The following ANKFY1 variants were observed in gnomAD, a reference collection of about 807,000 sequenced individuals.
The protein encoded by ANKFY1 is ankyrin repeat and FYVE domain containing 1.
In ANKFY1, 47 loss-of-function variants were observed where a neutral mutation model predicts 128.3. That is an observed-to-expected ratio of 0.37 (90% CI 0.29 to 0.47). ANKFY1 has a LOEUF of 0.47. ANKFY1 is among the 20% of genes least tolerant of loss of function. The pLI, the probability that ANKFY1 is intolerant of heterozygous loss-of-function variation, is 1.00. For synonymous variants in ANKFY1, 553 were observed against 601.6 expected (o/e 0.92, Z 1.18); for missense variants, 1,222 against 1,510.6 (o/e 0.81, Z 3.17).
intron 11 of ANKFY1, chr17:4,187,392 C>A: frequency 2.5e-6 from 1 of 397,658 alleles, no homozygotes; most frequent in Non-Finnish European, 4.4e-6. Flanking sequence ...ACGGCACACC[C>A]ACCATGCCAG....
At chr17:4,248,572 G>A (rs8079595) in intron 1 of ANKFY1, among the ~76,000 whole-genome samples, 8,053 of 152,278 alleles carry the variant, frequency 0.053, 474 homozygotes, top group African/African-American at 0.14. Flanking sequence ...TACCGCTGCT[G>A]CTACTCCTCT....
At chr17:4,231,859 G>A (rs1029447004) in intron 3 of ANKFY1, among the ~76,000 whole-genome samples, 5 of 151,570 alleles carry the variant, frequency 3.3e-5, no homozygotes, top group African/African-American at 4.9e-5. Flanking sequence ...ATCACCTGAG[G>A]CCAGGAGGTC....
chr17:4,172,733 A>C (rs1441628602), intron 21 of ANKFY1, 53 bp from the exon 22 acceptor site: 2 of 1,600,234 alleles, frequency 1.2e-6, no homozygotes, highest in African/African-American at 2.7e-5. Flanking sequence ...GCCATCACAC[A>C]CAAAATAAAT....
intron 1 of ANKFY1, among the ~76,000 whole-genome samples, chr17:4,256,752 T>A (rs189556327): frequency 6.6e-6 from 1 of 152,312 alleles, no homozygotes; most frequent in East Asian, 1.9e-4. Flanking sequence ...TAAGGTTGTG[T>A]CTTGCTCATT....
intron 10 of ANKFY1, 42 bp downstream of exon 10, chr17:4,194,936 T>C (rs773053368): frequency 1.2e-6 from 2 of 1,608,032 alleles, no homozygotes; most frequent in Non-Finnish European, 1.7e-6. Context: ...TCCTGGCGCC[T>C]GCAGACCCCA....
chr17:4,244,748 T>G (rs1401706005), intron 1 of ANKFY1, among the ~76,000 whole-genome samples: 1 of 152,138 alleles, frequency 6.6e-6, no homozygotes, highest in African/African-American at 2.4e-5. Context: ...TAATCCCCCA[T>G]GTGCTCCCTA....
At position 4,164,619 on chromosome 17, in the gene ANKFY1, A is replaced by G. The variant is rs919944577; in HGVS notation, c.*3160T>C. The G allele has an allele frequency of 6.6e-6, 1 of 152,268 alleles. No homozygotes were observed. The highest frequency in any genetic ancestry group is 6.5e-5 in the Admixed American group (1 of 15,290). 9.4% of individuals were successfully genotyped at this position (152,268 alleles called of 1,614,324 possible). A position where few individuals can be genotyped will look rare whatever the true frequency, so the allele number is the denominator to read the frequency against. On this transcript the variant is annotated 3_prime_UTR_variant, in exon 25 of 25. Coordinates refer to ENST00000341657, the MANE Select transcript of ANKFY1 (RefSeq NM_001330063.2). ...TGCCTTTCAGGGTGAAGCATTACAT[A>G]GTTCAAAAGTGTTCTTTTTCTCCAG...
At chr17:4,180,004 C>T in intron 16 of ANKFY1, 127 bp from the exon 17 acceptor site, 1 of 1,219,166 alleles carries the variant, frequency 8.2e-7, no homozygotes, top group Non-Finnish European at 1.1e-6. Flanking sequence ...GTCTGCTGTC[C>T]TTGGTCCCTG....
intron 3 of ANKFY1, among the ~76,000 whole-genome samples, chr17:4,232,871 G>A (rs2060536942): frequency 6.6e-6 from 1 of 152,118 alleles, no homozygotes; most frequent in South Asian, 2.1e-4. Context: ...TTGTTTCAGA[G>A]AGCAGCGATG....
At chr17:4,184,785 T>G (rs1436379985) in intron 12 of ANKFY1, 33 bp downstream of exon 12, 2 of 1,598,402 alleles carry the variant, frequency 1.3e-6, no homozygotes, top group Non-Finnish European at 1.7e-6. Flanking sequence ...TGTCCCCAAG[T>G]CAAAAGGATG....
rs1355979451 is a variant in ANKFY1 at position 4,164,947 on chromosome 17, C to G, written c.*2832G>C. ...AGGTGAACTGAGCAATCGAATCCAG[C>G]CTCAACTAAATTGGTAATTGGGGTT... On this transcript the variant is annotated 3_prime_UTR_variant, in exon 25 of 25. Coordinates refer to ENST00000341657, the MANE Select transcript of ANKFY1 (RefSeq NM_001330063.2). 1.3e-5 allele frequency: 2 copies of G among 152,660 alleles called. No individual in the cohort carries two copies. The highest frequency in any genetic ancestry group is 2.9e-5 in the Non-Finnish European group (2 of 68,058). 9.5% of individuals were successfully genotyped at this position (152,660 alleles called of 1,614,324 possible). A position where few individuals can be genotyped will look rare whatever the true frequency, so the allele number is the denominator to read the frequency against.
At chr17:4,190,611 A>G (rs1305108306) in intron 10 of ANKFY1, among the ~76,000 whole-genome samples, 5 of 152,218 alleles carry the variant, frequency 3.3e-5, no homozygotes, top group Non-Finnish European at 2.9e-5. Flanking sequence ...AATGCTTTAA[A>G]TATGTTTGTT....
At chr17:4,243,610 G>A (rs1011324189) in intron 1 of ANKFY1, among the ~76,000 whole-genome samples, 15 of 152,188 alleles carry the variant, frequency 9.9e-5, no homozygotes, top group African/African-American at 3.6e-4. Flanking sequence ...GAGTTGCAAG[G>A]CTGGTGAGAG....
chr17:4,174,707 C>T (rs754455005), intron 19 of ANKFY1, among the ~76,000 whole-genome samples: 1 of 151,932 alleles, frequency 6.6e-6, no homozygotes, highest in Non-Finnish European at 1.5e-5. Context: ...TGAGTATGTA[C>T]TATTTCACTA....
At chr17:4,193,551 C>G (rs1173230407) in intron 10 of ANKFY1, among the ~76,000 whole-genome samples, 1 of 151,440 alleles carries the variant, frequency 6.6e-6, no homozygotes, top group Non-Finnish European at 1.5e-5. Context: ...CCTCAGCCCC[C>G]CAAGTAGCTG....
chr17:4,183,713 G>T, intron 13 of ANKFY1, 99 bp downstream of exon 13: 1 of 1,421,484 alleles, frequency 7.0e-7, no homozygotes, highest in Non-Finnish European at 9.8e-7. Context: ...CAAATGATTA[G>T]CCCAGTCTCC....
At chr17:4,170,585 A>G (rs368272208) in intron 23 of ANKFY1, 130 bp downstream of exon 23, 1 of 1,293,300 alleles carries the variant, frequency 7.7e-7, no homozygotes. Context: ...AAATGGTCCC[A>G]GCTACTGCCA....
chr17:4,222,302 G>A (rs1296955770), intron 3 of ANKFY1: 12 of 692,406 alleles, frequency 1.7e-5, no homozygotes, highest in Non-Finnish European at 3.2e-5. Context: ...GAGGTGCACC[G>A]GCTGATCGGT....
At chr17:4,256,383 G>A (rs982464810) in intron 1 of ANKFY1, among the ~76,000 whole-genome samples, 14 of 151,662 alleles carry the variant, frequency 9.2e-5, no homozygotes, top group South Asian at 4.2e-4. Flanking sequence ...AGCTGAGATC[G>A]CACCACTGCA....
Sources: allele counts gnomAD v4.1 joint callset (sites outside exome capture counted in the v4.1 genomes callset), GRCh38; gene constraint gnomAD v4.1.1; transcripts MANE v1.5; gene names NCBI Gene and HGNC (gene_info 2026-07-23, HGNC 2026-07-21).